Variants in SLC39A12 observed in about 807,000 individuals in gnomAD.
SLC39A12 encodes solute carrier family 39 member 12, also known as zinc transporter ZIP12.
A neutral mutation model predicts 71.1 loss-of-function variants in SLC39A12; 63 were observed. The ratio of observed to expected loss-of-function variants is 0.89; its 90% CI spans 0.72 to 1.09. The LOEUF (loss-of-function observed/expected upper bound fraction) is 1.09, where lower values mean the gene tolerates loss of function less well. Ranked by LOEUF, SLC39A12 falls within the 50% of genes least tolerant of loss-of-function variation. The pLI is 0.00. For missense variants in SLC39A12, 892 were observed against 812.6 expected, an observed-to-expected ratio of 1.10 and a Z score of -1.19; for synonymous variants, 351 against 301.3, an observed-to-expected ratio of 1.16 and a Z score of -1.71.
intron 2 of SLC39A12, among the ~76,000 whole-genome samples, chr10:17,955,556 TTGTC>T (rs1421625767): frequency 6.6e-6 from 1 of 152,210 alleles, no homozygotes; most frequent in Non-Finnish European, 1.5e-5. Flanking sequence ...CTGAGGGACT[TTGTC>T]TGCTGACAGG....
rs764453387 is a variant in SLC39A12, at chr10:17,981,496, T to A, written c.1096+13T>A. 1.3e-6 allele frequency: 2 copies of A among 1,595,016 alleles called. No individual in the cohort carries two copies. Among genetic ancestry groups the A allele is most frequent in the Admixed American group, 3.5e-5 (2 of 57,176 alleles). ...ACCACTCTGGAGAGTAAGTTCTGGA[T>A]CTTCCTTCAGAAAGCTGATGTGCAC... On this transcript the variant is annotated intron_variant, in intron 6 of 12. Coordinates refer to ENST00000377369, the MANE Select transcript of SLC39A12 (RefSeq NM_001145195.2).
Position 18,040,861 on chromosome 10 carries a change from G to A in SLC39A12, c.1948-1844G>A, listed in dbSNP as rs188963386. Reference sequence around the variant, plus strand: ...TTTGATCGATAAAATAATCTGAGTCGTTCTCTACTGGAGGTGATTTTTATC... The same window carrying A: ...TTTGATCGATAAAATAATCTGAGTCATTCTCTACTGGAGGTGATTTTTATC... On this transcript the variant is annotated intron_variant, in intron 12 of 12. Coordinates refer to ENST00000377369, the MANE Select transcript of SLC39A12 (RefSeq NM_001145195.2). Among the ~76,000 whole-genome samples the A allele has an allele frequency of 1.5e-4, 23 of 151,552 alleles. No homozygotes were observed. The South Asian group carries it at 2.5e-3, about 16-fold the overall frequency.
intron 12 of SLC39A12, among the ~76,000 whole-genome samples, chr10:18,021,878 G>A (rs1043141577): frequency 2.0e-5 from 3 of 152,098 alleles, no homozygotes; most frequent in Non-Finnish European, 4.4e-5. Flanking sequence ...CACTTATGAA[G>A]CTTAGTTTTG....
intron 12 of SLC39A12, among the ~76,000 whole-genome samples, chr10:18,036,785 TA>T (rs1278698594): frequency 0.023 from 291 of 12,536 alleles, 16 homozygotes; most frequent in Middle Eastern, 0.048. Context: ...TATATATATA[TA>T]TATATATATT....
chr10:18,033,629 G>A (rs12359553), intron 12 of SLC39A12, among the ~76,000 whole-genome samples: 13,357 of 146,006 alleles, frequency 0.091, 848 homozygotes, highest in East Asian at 0.2. Flanking sequence ...TTTTTGAAGC[G>A]TTTTTTGTGT....
At chr10:18,041,533 T>C (rs901811231) in intron 12 of SLC39A12, among the ~76,000 whole-genome samples, 1 of 69,874 alleles carries the variant, frequency 1.4e-5, no homozygotes, top group Non-Finnish European at 2.8e-5. Flanking sequence ...TATGTATATA[T>C]ATACACACAC....
At chr10:18,037,851 C>T (rs980253380) in intron 12 of SLC39A12, among the ~76,000 whole-genome samples, 2 of 151,492 alleles carry the variant, frequency 1.3e-5, no homozygotes, top group African/African-American at 4.9e-5. Context: ...GAAACCCCAT[C>T]TCTACTAAAA....
intron 3 of SLC39A12, 61 bp from the exon 4 acceptor site, chr10:17,965,422 T>G: frequency 6.7e-7 from 1 of 1,482,434 alleles, no homozygotes; most frequent in Non-Finnish European, 9.4e-7. Context: ...ATTTCAGAGA[T>G]GTTAGAATCA....
intron 12 of SLC39A12, among the ~76,000 whole-genome samples, chr10:18,020,333 G>A (rs904376708): frequency 3.9e-5 from 6 of 151,986 alleles, no homozygotes; most frequent in Non-Finnish European, 7.4e-5. Context: ...ATTCCGTGGT[G>A]TATTTGTACC....
intron 4 of SLC39A12, among the ~76,000 whole-genome samples, chr10:17,972,501 T>C (rs1835000918): frequency 6.6e-6 from 1 of 152,206 alleles, no homozygotes; most frequent in Non-Finnish European, 1.5e-5. Flanking sequence ...ATTTGCTTTA[T>C]GTATCTGGGT....
chr10:17,998,906 T>C (rs1349778597), intron 10 of SLC39A12, among the ~76,000 whole-genome samples: 1 of 152,204 alleles, frequency 6.6e-6, no homozygotes. Context: ...AACCAGGAAG[T>C]ATCCTCTTTC....
chr10:17,982,772 G>A lies in SLC39A12; in HGVS notation c.1096+1289G>A, dbSNP rs943517168. On this transcript the variant is annotated intron_variant, in intron 6 of 12. Coordinates refer to ENST00000377369, the MANE Select transcript of SLC39A12 (RefSeq NM_001145195.2). Reference sequence around the variant, plus strand: ...GGCTTGGGGCCGGAATGTACAGGCCGCTCGGAAAAGGGTTTTGAAATTAAG... The same window carrying A: ...GGCTTGGGGCCGGAATGTACAGGCCACTCGGAAAAGGGTTTTGAAATTAAG... Among the ~76,000 whole-genome samples, 9 of 152,196 alleles carry A rather than the reference G, an allele frequency of 5.9e-5. No individual in the cohort carries two copies. The East Asian group carries it at 1.6e-3, about 26-fold the overall frequency.
At chr10:17,991,669 ATG>A (rs1024675512) in intron 8 of SLC39A12, among the ~76,000 whole-genome samples, 3 of 121,850 alleles carry the variant, frequency 2.5e-5, no homozygotes, top group African/African-American at 7.6e-5. Flanking sequence ...ACAAAATCAC[ATG>A]TAATTTTCTG....
chr10:17,956,545 T>C (rs748867013), intron 2 of SLC39A12, among the ~76,000 whole-genome samples: 2 of 152,230 alleles, frequency 1.3e-5, no homozygotes, highest in Non-Finnish European at 2.9e-5. Flanking sequence ...CTCAAGTTCC[T>C]TCTGTTCCCT....
chr10:18,021,193 A>G (rs188044563), intron 12 of SLC39A12, among the ~76,000 whole-genome samples: 3 of 151,750 alleles, frequency 2.0e-5, no homozygotes, highest in African/African-American at 7.2e-5. Flanking sequence ...CACATGGCTA[A>G]CCAGTCATCC....
chr10:17,979,008 C>G (rs1835187757), intron 5 of SLC39A12, among the ~76,000 whole-genome samples: 1 of 151,932 alleles, frequency 6.6e-6, no homozygotes, highest in Non-Finnish European at 1.5e-5. Flanking sequence ...TTTTAAGAAG[C>G]CCTGCAAGTA....
chr10:17,984,251 A>G (rs1458096648), intron 6 of SLC39A12, among the ~76,000 whole-genome samples: 3 of 152,270 alleles, frequency 2.0e-5, no homozygotes, highest in Non-Finnish European at 4.4e-5. Context: ...TCGTTCCTAC[A>G]TGAAAGCAAG....
intron 12 of SLC39A12, among the ~76,000 whole-genome samples, chr10:18,026,363 T>C (rs1836678360): frequency 6.6e-6 from 1 of 152,182 alleles, no homozygotes; most frequent in Non-Finnish European, 1.5e-5. Flanking sequence ...CTTAACACTT[T>C]AAATATTTTA....
chr10:18,006,791 G>A (rs946322600), intron 12 of SLC39A12, among the ~76,000 whole-genome samples: 1 of 152,144 alleles, frequency 6.6e-6, no homozygotes, highest in South Asian at 2.1e-4. Context: ...ACACACCTGA[G>A]TACTAAGAGC....
Sources: gnomAD v4.1 joint callset for allele counts (sites outside exome capture counted in the v4.1 genomes callset) on GRCh38, gnomAD v4.1.1 for gene constraint, MANE v1.5 for transcripts, NCBI Gene and HGNC (gene_info 2026-07-23, HGNC 2026-07-21) for gene names.